Variants in LDB2 observed in about 807,000 individuals in gnomAD.
LDB2 encodes the protein LIM domain binding 2, also known as LIM domain-binding protein 2.
In LDB2, 12 loss-of-function variants were observed where a neutral mutation model predicts 44.3. That is an observed-to-expected ratio of 0.27 (90% CI 0.17 to 0.44). LDB2 has a LOEUF of 0.44. Ranked by LOEUF, LDB2 falls within the 20% of genes least tolerant of loss-of-function variation. LDB2 has a pLI of 1.00. For missense variants in LDB2, 344 were observed against 473.5 expected (o/e 0.73, Z 2.54); for synonymous variants, 164 against 174.8 (o/e 0.94, Z 0.49).
chr4:16,750,239 T>C (rs1343521356), intron 2 of LDB2, among the ~76,000 whole-genome samples: 4 of 152,230 alleles, frequency 2.6e-5, no homozygotes, highest in Non-Finnish European at 5.9e-5. Context: ...ACCACAGAAC[T>C]TTGCTTGCAC....
At chr4:16,885,269 G>C (rs975791193) in intron 1 of LDB2, among the ~76,000 whole-genome samples, 2 of 151,854 alleles carry the variant, frequency 1.3e-5, no homozygotes, top group Non-Finnish European at 2.9e-5. Flanking sequence ...TGGAGGTCGA[G>C]GCTGCAGTGA....
chr4:16,718,254 T>C (rs1757501256), intron 2 of LDB2, among the ~76,000 whole-genome samples: 2 of 152,016 alleles, frequency 1.3e-5, no homozygotes, highest in Non-Finnish European at 2.9e-5. Flanking sequence ...CCTAAAGGAA[T>C]TGCCAGCCTA....
At chr4:16,678,871 C>T (rs925293317) in intron 2 of LDB2, among the ~76,000 whole-genome samples, 1 of 152,168 alleles carries the variant, frequency 6.6e-6, no homozygotes, top group African/African-American at 2.4e-5. Flanking sequence ...CTAGACTTCA[C>T]CTCTATAAAG....
intron 1 of LDB2, among the ~76,000 whole-genome samples, chr4:16,811,739 T>G (rs763824576): frequency 3.3e-5 from 5 of 152,204 alleles, no homozygotes; most frequent in Non-Finnish European, 2.9e-5. Context: ...CATTACGTTC[T>G]CCATTGGGGA....
intron 1 of LDB2, among the ~76,000 whole-genome samples, chr4:16,766,266 C>T (rs116271806): frequency 0.017 from 2,583 of 151,662 alleles, 79 homozygotes; most frequent in African/African-American, 0.059. Flanking sequence ...ATATACAGTC[C>T]TATTTTGTTT....
At chr4:16,545,736 A>C (rs1431403255) in intron 5 of LDB2, among the ~76,000 whole-genome samples, 1 of 152,238 alleles carries the variant, frequency 6.6e-6, no homozygotes, top group Admixed American at 6.5e-5. Context: ...AGTTACAAAT[A>C]AAATAGCTAA....
chr4:16,535,809 A>G lies in LDB2; in HGVS notation c.616-23705T>C, dbSNP rs1036767341. Among the ~76,000 whole-genome samples, 4 of 152,248 alleles carry G rather than the reference A, an allele frequency of 2.6e-5. No individual in the cohort carries two copies. In the South Asian group the frequency reaches 6.2e-4, roughly 24 times the overall value. ...AAGCAGGTTTTATTATTATCACCAT[A>G]TGTAAACAAAGATACCGATGTGTAG... On this transcript the variant is annotated intron_variant, in intron 5 of 7. Coordinates refer to ENST00000304523, the MANE Select transcript of LDB2 (RefSeq NM_001290.5).
chr4:16,709,988 G>C (rs1410747367), intron 2 of LDB2, among the ~76,000 whole-genome samples: 2 of 152,104 alleles, frequency 1.3e-5, no homozygotes, highest in Admixed American at 1.3e-4. Flanking sequence ...TTTGAGATTA[G>C]GAGCCCTAAG....
chr4:16,579,102 A>G (rs2152414759), intron 5 of LDB2, among the ~76,000 whole-genome samples: 2 of 152,324 alleles, frequency 1.3e-5, no homozygotes, highest in Non-Finnish European at 2.9e-5. Flanking sequence ...GTTAGAAAGA[A>G]TTTTAAAAAT....
chr4:16,611,731 A>G (rs1392259652), intron 2 of LDB2, among the ~76,000 whole-genome samples: 2 of 152,344 alleles, frequency 1.3e-5, no homozygotes, highest in African/African-American at 2.4e-5. Flanking sequence ...TTAGAGACCT[A>G]CAATGAGACT....
intron 5 of LDB2, among the ~76,000 whole-genome samples, chr4:16,570,331 C>T (rs951658127): frequency 6.6e-6 from 1 of 150,748 alleles, no homozygotes; most frequent in Non-Finnish European, 1.5e-5. Flanking sequence ...GGTGTGGTGG[C>T]GGGCACCTGT....
chr4:16,820,752 G>GA (rs200920075), intron 1 of LDB2, among the ~76,000 whole-genome samples: 56 of 149,418 alleles, frequency 3.7e-4, no homozygotes, highest in African/African-American at 7.9e-4. Context: ...AATTTTGAGA[G>GA]AAAAAAAAAC....
intron 2 of LDB2, among the ~76,000 whole-genome samples, chr4:16,697,588 C>A (rs997950636): frequency 5.3e-5 from 8 of 152,196 alleles, no homozygotes; most frequent in Admixed American, 1.3e-4. Context: ...CCCAGCTCTT[C>A]AGTTCACCCC....
At chr4:16,634,695 A>G (rs1733052375) in intron 2 of LDB2, among the ~76,000 whole-genome samples, 1 of 152,158 alleles carries the variant, frequency 6.6e-6, no homozygotes, top group African/African-American at 2.4e-5. Context: ...TGTTGGCGGG[A>G]GTGTAAATTA....
At chr4:16,562,537 A>T (rs1335837184) in intron 5 of LDB2, among the ~76,000 whole-genome samples, 1 of 152,264 alleles carries the variant, frequency 6.6e-6, no homozygotes, top group Non-Finnish European at 1.5e-5. Flanking sequence ...CACCAGTTAC[A>T]ATGGCAGTCA....
chr4:16,863,827 A>AC (rs1481216277), intron 1 of LDB2, among the ~76,000 whole-genome samples: 1 of 151,876 alleles, frequency 6.6e-6, no homozygotes, highest in Non-Finnish European at 1.5e-5. Context: ...CGCCCGGCTA[A>AC]TTTTTTGTAT....
chr4:16,534,820 C>T (rs915590602), intron 5 of LDB2, among the ~76,000 whole-genome samples: 1 of 152,180 alleles, frequency 6.6e-6, no homozygotes, highest in Non-Finnish European at 1.5e-5. Flanking sequence ...CTGGACGCTA[C>T]ACTTTTTCCA....
intron 1 of LDB2, among the ~76,000 whole-genome samples, chr4:16,788,856 C>A (rs1775082753): frequency 6.6e-6 from 1 of 152,162 alleles, no homozygotes; most frequent in African/African-American, 2.4e-5. Flanking sequence ...TACTACTGTG[C>A]AATTAACTCC....
At chr4:16,841,088 T>C (rs991595637) in intron 1 of LDB2, among the ~76,000 whole-genome samples, 2 of 152,320 alleles carry the variant, frequency 1.3e-5, no homozygotes, top group South Asian at 2.1e-4. Flanking sequence ...ACACCACATA[T>C]GCCCGGACTT....
Sources: gnomAD v4.1 joint callset for allele counts (sites outside exome capture counted in the v4.1 genomes callset) on GRCh38, gnomAD v4.1.1 for gene constraint, MANE v1.5 for transcripts, NCBI Gene and HGNC (gene_info 2026-07-23, HGNC 2026-07-21) for gene names.